PARD3B: variants seen among roughly 807,000 people sequenced by gnomAD.
PARD3B encodes the protein partitioning defective 3 homolog B.
PARD3B carries 103 observed loss-of-function variants against 130.2 expected under a neutral mutation model. That is an observed-to-expected ratio of 0.79 (90% CI 0.67 to 0.93). PARD3B has a LOEUF of 0.93. Among genes scored for constraint, PARD3B ranks in the 40% least tolerant of loss-of-function variants. The pLI is 0.00. For missense variants in PARD3B, 1,609 were observed against 1,499.2 expected (o/e 1.07, Z -1.21); for synonymous variants, 583 against 553.2 (o/e 1.05, Z -0.76).
Position 205,592,947 on chromosome 2 carries a change from A to G in PARD3B, c.3261-22509A>G, listed in dbSNP as rs956351103. Among the ~76,000 whole-genome samples, 3 of 152,260 alleles carry G rather than the reference A, an allele frequency of 2.0e-5. No individual in the cohort carries two copies. The highest frequency in any genetic ancestry group is 7.2e-5 in the African/African-American group (3 of 41,480). On this transcript the variant is annotated intron_variant, in intron 22 of 22. Coordinates refer to ENST00000406610, the MANE Select transcript of PARD3B (RefSeq NM_001302769.2). This position sits in a 1 kb window ranked among gnomAD's most constrained non-coding sequence, Gnocchi z 4.5. ...GCAGAAGCACTGTGTTTTGTCTTTCATCTCATTGCCCAGCTAGGTGCAACC... is the reference window on the plus strand; with the variant it reads ...GCAGAAGCACTGTGTTTTGTCTTTCGTCTCATTGCCCAGCTAGGTGCAACC...
At chr2:205,205,641 A>C (rs1298098640) in intron 15 of PARD3B, among the ~76,000 whole-genome samples, 1 of 152,120 alleles carries the variant, frequency 6.6e-6, no homozygotes, top group African/African-American at 2.4e-5. Flanking sequence ...GTTTATTGAG[A>C]CTTTTTAGCC....
chr2:204,582,591 G>A (rs987958723), intron 1 of PARD3B, among the ~76,000 whole-genome samples: 9 of 152,224 alleles, frequency 5.9e-5, no homozygotes, highest in Middle Eastern at 6.8e-3. Context: ...GTAGATTAAT[G>A]TATGCTACTG....
intron 21 of PARD3B, among the ~76,000 whole-genome samples, chr2:205,507,105 A>G (rs2050396058): frequency 7.0e-6 from 1 of 141,986 alleles, no homozygotes; most frequent in Non-Finnish European, 1.5e-5. Context: ...CCTGGAGTGG[A>G]TGTTCAGCAC....
intron 4 of PARD3B, among the ~76,000 whole-genome samples, chr2:205,101,024 A>G (rs987910722): frequency 3.3e-5 from 5 of 152,198 alleles, no homozygotes; most frequent in African/African-American, 1.2e-4. Context: ...TTTGTGCTTT[A>G]AAGGACACAT....
At chr2:204,757,653 T>C (rs183833240) in intron 2 of PARD3B, among the ~76,000 whole-genome samples, 2 of 152,286 alleles carry the variant, frequency 1.3e-5, no homozygotes, top group South Asian at 2.1e-4. Context: ...TTGTGAAAGA[T>C]TGCAAACAGC....
intron 15 of PARD3B, among the ~76,000 whole-genome samples, chr2:205,222,179 T>A (rs75151870): frequency 5.4e-5 from 8 of 147,420 alleles, no homozygotes; most frequent in Non-Finnish European, 7.5e-5. Context: ...CCTTCCAATA[T>A]AAAAAAAAAA....
intron 20 of PARD3B, among the ~76,000 whole-genome samples, chr2:205,445,632 C>T (rs1559101562): frequency 6.6e-6 from 1 of 152,198 alleles, no homozygotes; most frequent in Non-Finnish European, 1.5e-5. Flanking sequence ...CACCAGGCCC[C>T]ACTTCCAACA....
intron 22 of PARD3B, among the ~76,000 whole-genome samples, chr2:205,609,647 G>C (rs2055156159): frequency 1.3e-5 from 2 of 152,188 alleles, no homozygotes; most frequent in Admixed American, 6.5e-5. Context: ...AAGGTTTTCT[G>C]TAAGTGAAAA....
At chr2:205,102,883 T>A (rs1349611480) in intron 4 of PARD3B, among the ~76,000 whole-genome samples, 2 of 151,798 alleles carry the variant, frequency 1.3e-5, no homozygotes, top group African/African-American at 4.8e-5. Context: ...GCTAACACGG[T>A]GAAGCCCCAT....
chr2:205,189,971 A>G (rs2036305795), intron 14 of PARD3B, among the ~76,000 whole-genome samples: 1 of 152,242 alleles, frequency 6.6e-6, no homozygotes, highest in Non-Finnish European at 1.5e-5. Context: ...TAGATATCTC[A>G]TTATGATCAA....
rs908520652 is a variant in PARD3B, at chr2:205,584,918, A to G, written c.3261-30538A>G. 2.0e-5 allele frequency among the ~76,000 whole-genome samples: 3 copies of G among 152,174 alleles called. No homozygotes were observed. Among genetic ancestry groups the G allele is most frequent in the Non-Finnish European group, 4.4e-5 (3 of 68,046 alleles). On this transcript the variant is annotated intron_variant, in intron 22 of 22. Coordinates refer to ENST00000406610, the MANE Select transcript of PARD3B (RefSeq NM_001302769.2). This position sits in a 1 kb window ranked among gnomAD's most constrained non-coding sequence, Gnocchi z 5.5. ...ACCAGGCACACCTGGATTTCTGGATAATTGCACCCACAAGTGGCTACATGC... is the reference window on the plus strand; with the variant it reads ...ACCAGGCACACCTGGATTTCTGGATGATTGCACCCACAAGTGGCTACATGC...
rs2055417934 is a variant in PARD3B, at chr2:205,615,885, A to C, written c.*72A>C. On this transcript the variant is annotated 3_prime_UTR_variant, in exon 23 of 23. Transcript: ENST00000406610. ...TCTACCTTTGCCCTTTCTAAACCTG[A>C]AGACCTCCTTGGTGTTAGGAATTCT... is the stretch of plus-strand genomic sequence containing the variant. 28 of 1,295,330 alleles carry C rather than the reference A, an allele frequency of 2.2e-5. No homozygotes were observed. Among genetic ancestry groups the C allele is most frequent in the Non-Finnish European group, 3.0e-5 (28 of 928,790 alleles). The allele number at this position is 1,295,330 out of a possible 1,614,324, so 80.2% of individuals were successfully genotyped here.
In PARD3B at chr2:205,291,569, G is replaced by C. The variant is rs1014114251; in HGVS notation, c.2186-8961G>C. ...GGTATTTAGCTGAAGCTATTTGTAA[G>C]CAAATTTCTCTGATTTCTCTAAAAT... On this transcript the variant is annotated intron_variant, in intron 16 of 22. Coordinates refer to ENST00000406610, the MANE Select transcript of PARD3B (RefSeq NM_001302769.2). The surrounding 1 kb of genome is among the most constrained non-coding windows in gnomAD (Gnocchi z 4.6). Among the ~76,000 whole-genome samples the C allele has an allele frequency of 6.6e-6, 1 of 152,220 alleles. No homozygotes were observed. Among genetic ancestry groups the C allele is most frequent in the Non-Finnish European group, 1.5e-5 (1 of 68,032 alleles).
At chr2:205,449,386 C>A (rs892110247) in intron 20 of PARD3B, among the ~76,000 whole-genome samples, 1 of 151,544 alleles carries the variant, frequency 6.6e-6, no homozygotes, top group Non-Finnish European at 1.5e-5. Context: ...CCCGCCACCA[C>A]GCCCAGCTAA....
At chr2:205,168,288 G>GGAGA (rs761018109) in intron 11 of PARD3B, among the ~76,000 whole-genome samples, 141 of 126,902 alleles carry the variant, frequency 1.1e-3, no homozygotes, top group South Asian at 6.9e-3. Context: ...GGTGAGAAAG[G>GGAGA]GAGAGAGAGA....
rs759261270 is a variant in PARD3B at position 204,545,983 on chromosome 2, G to C, written c.-17G>C. 1.9e-6 allele frequency: 3 copies of C among 1,550,084 alleles called. No homozygotes were observed. The highest frequency in any genetic ancestry group is 1.4e-5 in the African/African-American group (1 of 72,592). ...ACACCTGTTCGGCCCGGCCCGGCGT[G>C]GTCGCCGGGGGCCAGGATGAAAGTG... On this transcript the variant is annotated 5_prime_UTR_variant, in exon 1 of 23. Transcript: ENST00000406610.
chr2:204,794,771 C>T (rs2042313514), intron 2 of PARD3B, among the ~76,000 whole-genome samples: 1 of 152,168 alleles, frequency 6.6e-6, no homozygotes, highest in Non-Finnish European at 1.5e-5. Flanking sequence ...AGTTTCCTCT[C>T]CTGAGTTGGT....
intron 16 of PARD3B, among the ~76,000 whole-genome samples, chr2:205,267,537 A>G (rs866865261): frequency 2.0e-5 from 3 of 152,208 alleles, no homozygotes; most frequent in South Asian, 2.1e-4. Context: ...TTGGATTTGT[A>G]TCACTGTAGA....
chr2:205,176,436 A>G lies in PARD3B; in HGVS notation c.1792-9A>G. The stretch of plus-strand genomic sequence containing the variant: ...AAATGCAAATGTAATTTTTACTTTT[A>G]TCTCTTAGGATCCTGCAGAGTGTGG... On this transcript the variant is annotated splice_polypyrimidine_tract_variant and intron_variant, in intron 12 of 22. Coordinates refer to ENST00000406610, the MANE Select transcript of PARD3B (RefSeq NM_001302769.2). This position sits in a 1 kb window ranked among gnomAD's most constrained non-coding sequence, Gnocchi z 5.3. 4 of 1,584,116 alleles carry G rather than the reference A, an allele frequency of 2.5e-6. No homozygotes were observed. The highest frequency in any genetic ancestry group is 3.4e-6 in the Non-Finnish European group (4 of 1,171,202).
Sources: allele counts gnomAD v4.1 joint callset (sites outside exome capture counted in the v4.1 genomes callset), GRCh38; gene constraint gnomAD v4.1.1; non-coding constraint Gnocchi (gnomAD v3.1); transcripts MANE v1.5; gene names NCBI Gene and HGNC (gene_info 2026-07-23, HGNC 2026-07-21).